The following MLLT3 variants were observed in gnomAD, a reference collection of about 807,000 sequenced individuals.
The protein encoded by MLLT3 is protein AF-9.
In MLLT3, 4 loss-of-function variants were observed where a neutral mutation model predicts 53.2. The observed-to-expected ratio is 0.08, with a 90% CI of 0.04 to 0.17. The LOEUF is 0.17. Among genes scored for constraint, MLLT3 ranks in the 10% least tolerant of loss-of-function variants. MLLT3 has a pLI of 1.00. For synonymous variants in MLLT3, 283 were observed against 230.6 expected, an observed-to-expected ratio of 1.23 and a Z score of -2.06; for missense variants, 569 against 684.0, an observed-to-expected ratio of 0.83 and a Z score of 1.87.
At chr9:20,500,845 C>T (rs1825204826) in intron 2 of MLLT3, among the ~76,000 whole-genome samples, 2 of 152,204 alleles carry the variant, frequency 1.3e-5, no homozygotes, top group African/African-American at 4.8e-5. Flanking sequence ...TGATGCACAG[C>T]TGCATCATTT....
intron 2 of MLLT3, among the ~76,000 whole-genome samples, chr9:20,568,515 G>A (rs1587079638): frequency 6.6e-6 from 1 of 152,104 alleles, no homozygotes; most frequent in African/African-American, 2.4e-5. Flanking sequence ...ACTTCTGGAT[G>A]CCTTTAGAAG....
intron 2 of MLLT3, among the ~76,000 whole-genome samples, chr9:20,521,261 G>A (rs1818050627): frequency 2.6e-5 from 4 of 152,044 alleles, no homozygotes; most frequent in Non-Finnish European, 2.9e-5. Context: ...AGCAGTGATG[G>A]GGTTTCGCCG....
chr9:20,457,157 G>A (rs1823989171), intron 2 of MLLT3, among the ~76,000 whole-genome samples: 1 of 146,408 alleles, frequency 6.8e-6, no homozygotes, highest in Non-Finnish European at 1.5e-5. Context: ...CCTAACAAGA[G>A]TATTATCTGC....
chr9:20,528,008 G>A (rs938999631), intron 2 of MLLT3, among the ~76,000 whole-genome samples: 6 of 152,220 alleles, frequency 3.9e-5, no homozygotes, highest in African/African-American at 1.4e-4. Flanking sequence ...CAGTGCAATA[G>A]AAGTTTATTA....
At chr9:20,550,349 C>T (rs938593200) in intron 2 of MLLT3, among the ~76,000 whole-genome samples, 1 of 152,146 alleles carries the variant, frequency 6.6e-6, no homozygotes. Flanking sequence ...GGCTTTCCAC[C>T]CTATTGTTCT....
chr9:20,410,627 T>C (rs1822704615), intron 5 of MLLT3: 1 of 152,078 alleles, frequency 6.6e-6, no homozygotes, highest in Admixed American at 6.5e-5. Context: ...ACCATGGATG[T>C]CCAACTTCTT....
At chr9:20,450,740 T>C (rs1315628368) in intron 3 of MLLT3, among the ~76,000 whole-genome samples, 1 of 152,212 alleles carries the variant, frequency 6.6e-6, no homozygotes, top group Non-Finnish European at 1.5e-5. Flanking sequence ...ATGTCCCTCA[T>C]GGCATTCCTC....
chr9:20,498,266 A>AAAAAAAAAG (rs760352616), intron 2 of MLLT3, among the ~76,000 whole-genome samples: 8 of 98,350 alleles, frequency 8.1e-5, no homozygotes, highest in South Asian at 3.5e-4. Context: ...AAAAAAAAAA[A>AAAAAAAAAG]GTTCTTCTAG....
intron 2 of MLLT3, among the ~76,000 whole-genome samples, chr9:20,507,742 G>GGAA (rs746866170): frequency 2.4e-5 from 2 of 84,542 alleles, no homozygotes; most frequent in African/African-American, 7.9e-5. Flanking sequence ...TCCCAAAATG[G>GGAA]AAAAAAAAAA....
At chr9:20,567,322 A>C (rs919021586) in intron 2 of MLLT3, among the ~76,000 whole-genome samples, 2 of 151,088 alleles carry the variant, frequency 1.3e-5, no homozygotes, top group East Asian at 1.9e-4. Context: ...AAAAAAAAAA[A>C]AAAAAACACA....
At chr9:20,483,260 G>T (rs1206536361) in intron 2 of MLLT3, among the ~76,000 whole-genome samples, 1 of 148,232 alleles carries the variant, frequency 6.7e-6, no homozygotes, top group Non-Finnish European at 1.5e-5. Context: ...TTTGAGACAG[G>T]TTCTTGCTGT....
intron 2 of MLLT3, among the ~76,000 whole-genome samples, chr9:20,507,967 G>T (rs1162081256): frequency 2.0e-5 from 3 of 151,184 alleles, no homozygotes. Context: ...TGAGGGGAGA[G>T]GTAGCCATAA....
chr9:20,598,475 C>T (rs1324744107), intron 2 of MLLT3, among the ~76,000 whole-genome samples: 1 of 152,200 alleles, frequency 6.6e-6, no homozygotes, highest in Non-Finnish European at 1.5e-5. Flanking sequence ...TTCCATCCCA[C>T]CCCAATAACC....
chr9:20,561,972 C>G (rs1038822894), intron 2 of MLLT3, among the ~76,000 whole-genome samples: 1 of 151,964 alleles, frequency 6.6e-6, no homozygotes, highest in East Asian at 1.9e-4. Flanking sequence ...GATTAGGGAA[C>G]AGAAGTAAGG....
chr9:20,587,623 G>A (rs973322421), intron 2 of MLLT3, among the ~76,000 whole-genome samples: 2 of 152,128 alleles, frequency 1.3e-5, no homozygotes, highest in Non-Finnish European at 2.9e-5. Flanking sequence ...AAACTTTTTG[G>A]CTGCATAAAT....
Position 20,448,624 on chromosome 9 carries a change from A to G in MLLT3, c.277-358T>C, listed in dbSNP as rs1021645876. Among the ~76,000 whole-genome samples, 2 of 152,136 alleles carry G rather than the reference A, an allele frequency of 1.3e-5. No homozygotes were observed. Among genetic ancestry groups the G allele is most frequent in the East Asian group, 3.8e-4 (2 of 5,200 alleles). On this transcript the variant is annotated intron_variant, in intron 3 of 10. Coordinates refer to ENST00000380338, the MANE Select transcript of MLLT3 (RefSeq NM_004529.4). This position sits in a 1 kb window ranked among gnomAD's most constrained non-coding sequence, Gnocchi z 4.0. ...ACCATCAAAGGCTGCCATTTTCTCCATAAATATTTCTTCAACAAGCCCTCT... is the reference window on the plus strand; with the variant it reads ...ACCATCAAAGGCTGCCATTTTCTCCGTAAATATTTCTTCAACAAGCCCTCT...
Position 20,622,396 on chromosome 9 carries a change from CT to C in MLLT3, c.-141del. On this transcript the variant is annotated 5_prime_UTR_variant, in exon 1 of 11. Coordinates refer to ENST00000380338, the MANE Select transcript of MLLT3 (RefSeq NM_004529.4). ...AGGGTAGATGGCGGACATTCTCTGC[CT>C]TTTTCCCCCCGCGCTCGCTTGCTCG... The C allele has an allele frequency of 4.9e-5, 37 of 760,808 alleles. No individual in the cohort carries two copies. Among genetic ancestry groups the C allele is most frequent in the Middle Eastern group, 2.8e-4 (1 of 3,512 alleles). The allele number at this position is 760,808 out of a possible 1,614,324, so 47.1% of individuals were successfully genotyped here.
At chr9:20,350,203 G>C (rs1278968842) in intron 10 of MLLT3, among the ~76,000 whole-genome samples, 1 of 152,216 alleles carries the variant, frequency 6.6e-6, no homozygotes, top group African/African-American at 2.4e-5. Flanking sequence ...CTTTGCTGAT[G>C]CAGTGTGGCT....
At chr9:20,536,605 A>G (rs1223094035) in intron 2 of MLLT3, among the ~76,000 whole-genome samples, 1 of 152,220 alleles carries the variant, frequency 6.6e-6, no homozygotes, top group Non-Finnish European at 1.5e-5. Context: ...AAAGTGAACC[A>G]AAGGGAAAAT....
Sources: gnomAD v4.1 joint callset for allele counts (sites outside exome capture counted in the v4.1 genomes callset) on GRCh38, gnomAD v4.1.1 for gene constraint, Gnocchi (gnomAD v3.1) non-coding constraint, MANE v1.5 for transcripts, NCBI Gene and HGNC (gene_info 2026-07-23, HGNC 2026-07-21) for gene names.